The following ZNF674 variants were observed in gnomAD, a reference collection of about 807,000 sequenced individuals.
The protein encoded by ZNF674 is zinc finger family member 674.
A neutral mutation model predicts 7.0 loss-of-function variants in ZNF674; 2 were observed. The ratio of observed to expected loss-of-function variants is 0.29; its 90% confidence interval spans 0.12 to 0.90. ZNF674 has a LOEUF of 0.90. Ranked by LOEUF, ZNF674 falls within the 40% of genes least tolerant of loss-of-function variation. ZNF674 has a pLI of 0.57. For synonymous variants in ZNF674, 103 were observed against 145.2 expected (o/e 0.71, Z 2.09); for missense variants, 297 against 415.5 (o/e 0.71, Z 2.48).
intron 1 of ZNF674, among the ~76,000 whole-genome samples, 187 bp from the exon 2 acceptor site, chrX:46,544,798 T>C (rs1449142114): frequency 1.8e-5 from 2 of 111,435 alleles, no homozygotes; most frequent in African/African-American, 6.5e-5. Context: ...CCTTCCTGAG[T>C]CCGGGCTTTG....
chrX:46,514,996 A>T (rs1291189447), intron 5 of ZNF674, among the ~76,000 whole-genome samples: 2 of 112,141 alleles, frequency 1.8e-5, no homozygotes, highest in Non-Finnish European at 3.8e-5. Context: ...GACCCTCAGA[A>T]ATTGAAAGGA....
chrX:46,501,662 A>ATGTGTGTGTGTGTG lies in ZNF674; in HGVS notation c.239-341_239-328dup, dbSNP rs372308686. Among the ~76,000 whole-genome samples, 622 of 102,344 alleles carry ATGTGTGTGTGTGTG rather than the reference A, an allele frequency of 6.1e-3. 9 individuals carry two copies. Among genetic ancestry groups the ATGTGTGTGTGTGTG allele is most frequent in the African/African-American group, 0.021 (590 of 28,207 alleles). 88.9% of individuals were successfully genotyped at this position (102,344 alleles called of 115,157 possible). ...TATATATACATATAATTGTATATAT[A>ATGTGTGTGTGTGTG]TGTGTGTGTGTGTGTGTGTGTGTGT... On this transcript the variant is annotated intron_variant, in intron 5 of 5. Coordinates refer to ENST00000683375, the MANE Select transcript of ZNF674 (RefSeq NM_001190417.2).
chrX:46,529,931 G>C (rs368875292), intron 3 of ZNF674, among the ~76,000 whole-genome samples: 1 of 111,528 alleles, frequency 9.0e-6, no homozygotes, highest in South Asian at 3.7e-4. Context: ...ATGACAAACC[G>C]TTCTAACCTT....
At chrX:46,519,004 A>C (rs1000592851) in intron 5 of ZNF674, among the ~76,000 whole-genome samples, 1 of 106,270 alleles carries the variant, frequency 9.4e-6, no homozygotes, top group Non-Finnish European at 1.9e-5. Context: ...AGAATTCAAG[A>C]TCAGCCTGAC....
At chrX:46,518,018 A>G (rs1941801061) in intron 5 of ZNF674, 1 of 111,317 alleles carries the variant, frequency 9.0e-6, no homozygotes, top group East Asian at 2.8e-4. Flanking sequence ...ATTAAAAAAA[A>G]AAGAAGACGA....
chrX:46,499,786 TA>T lies in ZNF674; in HGVS notation c.*56del. 1 of 891,948 alleles carries T rather than the reference TA, an allele frequency of 1.1e-6. No homozygotes were observed. The highest frequency in any genetic ancestry group is 2.0e-5 in the African/African-American group (1 of 50,398). 73.5% of individuals were successfully genotyped at this position (891,948 alleles called of 1,213,427 possible). On this transcript the variant is annotated 3_prime_UTR_variant, in exon 6 of 6. Transcript: ENST00000683375. ...ATGATTATTTGACAAATAATGAGAC[TA>T]GTAATAGTCAAATGACAAATAACTA... is the stretch of plus-strand genomic sequence containing the variant.
In ZNF674 at chrX:46,542,119, A is replaced by G; in HGVS notation, c.-29-3T>C. 1 of 1,162,636 alleles carries G rather than the reference A, an allele frequency of 8.6e-7. No individual in the cohort carries two copies. Among genetic ancestry groups the G allele is most frequent in the Non-Finnish European group, 1.2e-6 (1 of 854,391 alleles). ...GTGCTCCTGCAAAGGATGGAGATCT[A>G]CAAATACAGAATTAGAAGGGTTGAG... On this transcript the variant is annotated splice_polypyrimidine_tract_variant and splice_region_variant and intron_variant, in intron 2 of 5. Coordinates refer to ENST00000683375, the MANE Select transcript of ZNF674 (RefSeq NM_001190417.2).
chrX:46,513,145 C>G (rs1255597607), intron 5 of ZNF674, among the ~76,000 whole-genome samples: 1 of 111,049 alleles, frequency 9.0e-6, no homozygotes, highest in African/African-American at 3.3e-5. Flanking sequence ...CACCTGTAGT[C>G]TCAGCTACTC....
At chrX:46,514,251 T>C (rs1161071963) in intron 5 of ZNF674, among the ~76,000 whole-genome samples, 1 of 111,305 alleles carries the variant, frequency 9.0e-6, no homozygotes, top group Non-Finnish European at 1.9e-5. Flanking sequence ...ACCTGTTCGA[T>C]GTACATCCAC....
At chrX:46,529,257 A>G (rs1430719970) in intron 3 of ZNF674, 1 of 233,116 alleles carries the variant, frequency 4.3e-6, no homozygotes, top group Non-Finnish European at 7.8e-6. Flanking sequence ...ATCATTTTGA[A>G]CTTTATAGGA....
intron 5 of ZNF674, among the ~76,000 whole-genome samples, chrX:46,526,522 C>T (rs1399685568): frequency 9.0e-6 from 1 of 111,045 alleles, no homozygotes; most frequent in Non-Finnish European, 1.9e-5. Context: ...AACTGATCCT[C>T]CCACCTCAGC....
intron 5 of ZNF674, among the ~76,000 whole-genome samples, chrX:46,526,153 A>G (rs1432185879): frequency 3.6e-5 from 4 of 112,292 alleles, no homozygotes; most frequent in African/African-American, 6.5e-5. Flanking sequence ...AGGACCTAGA[A>G]TAGGCAAAAC....
rs777695569 is a variant in ZNF674 at position 46,544,605 on chromosome X, T to G, written c.-134A>C. 3 of 112,158 alleles carry G rather than the reference T, an allele frequency of 2.7e-5. No individual in the cohort carries two copies. The highest frequency in any genetic ancestry group is 5.6e-4 in the East Asian group (2 of 3,583). 9.2% of individuals were successfully genotyped at this position (112,158 alleles called of 1,213,427 possible). On this transcript the variant is annotated 5_prime_UTR_variant, in exon 2 of 6. Transcript: ENST00000683375. Reference sequence around the variant, plus strand: ...GTGAGCAGTGGTCTCAGGTCTGCACTCTGACCCTGGAAACACAATGACCAC... The same window carrying G: ...GTGAGCAGTGGTCTCAGGTCTGCACGCTGACCCTGGAAACACAATGACCAC...
rs555177108 is a variant in ZNF674, at chrX:46,536,218, G to C, written c.15+5855C>G. On this transcript the variant is annotated intron_variant, in intron 3 of 5. Transcript: ENST00000683375. Reference sequence around the variant, plus strand: ...CTCACACCTGTAATCTCAGCACTTTGGGAGGCCAAGGCAGGTGGATCGCTT... The same window carrying C: ...CTCACACCTGTAATCTCAGCACTTTCGGAGGCCAAGGCAGGTGGATCGCTT... Among the ~76,000 whole-genome samples, 16 of 111,520 alleles carry C rather than the reference G, an allele frequency of 1.4e-4. No individual in the cohort carries two copies. The South Asian group carries it at 5.3e-3, about 37-fold the overall frequency.
intron 3 of ZNF674, among the ~76,000 whole-genome samples, chrX:46,541,274 T>C (rs1334206687): frequency 2.9e-5 from 3 of 103,596 alleles, no homozygotes; most frequent in Non-Finnish European, 5.8e-5. Flanking sequence ...GGCAGGAAAA[T>C]CGCTTGAACC....
intron 5 of ZNF674, among the ~76,000 whole-genome samples, chrX:46,519,826 T>C (rs780016434): frequency 1.8e-5 from 2 of 111,082 alleles, no homozygotes; most frequent in South Asian, 3.8e-4. Context: ...AGCCCAACAC[T>C]GGATACAACC....
chrX:46,504,924 C>G (rs1941502885), intron 5 of ZNF674, among the ~76,000 whole-genome samples: 1 of 109,495 alleles, frequency 9.1e-6, no homozygotes, highest in Non-Finnish European at 1.9e-5. Flanking sequence ...GAGTCTCCCT[C>G]TGTCGCCCAG....
chrX:46,544,264 G>A (rs1942340575), intron 2 of ZNF674, among the ~76,000 whole-genome samples: 1 of 113,119 alleles, frequency 8.8e-6, no homozygotes, highest in African/African-American at 3.2e-5. Flanking sequence ...CTCAGCTGAA[G>A]TGAGGGACAA....
chrX:46,522,796 G>A (rs971102957), intron 5 of ZNF674: 9 of 112,710 alleles, frequency 8.0e-5, no homozygotes, highest in African/African-American at 2.6e-4. Flanking sequence ...GTGAATAAAA[G>A]AAATAAGTCA....
Sources: allele counts gnomAD v4.1 joint callset (sites outside exome capture counted in the v4.1 genomes callset), GRCh38; gene constraint gnomAD v4.1.1; transcripts MANE v1.5; gene names NCBI Gene and HGNC (gene_info 2026-07-23, HGNC 2026-07-21).